The following PNO1 variants were observed in gnomAD, a reference collection of about 807,000 sequenced individuals.
PNO1 encodes RNA-binding protein PNO1.
Under a neutral mutation model 28.4 loss-of-function variants are expected in PNO1, and 16 were observed. The ratio of observed to expected loss-of-function variants is 0.56; its 90% CI spans 0.38 to 0.85. The LOEUF (loss-of-function observed/expected upper bound fraction) is 0.85. Ranked by LOEUF, PNO1 falls within the 40% of genes least tolerant of loss-of-function variation. The pLI is 0.00. For missense variants in PNO1, 304 were observed against 312.2 expected (o/e 0.97, Z 0.20); for synonymous variants, 115 against 110.8 (o/e 1.04, Z -0.24).
intron 5 of PNO1, among the ~76,000 whole-genome samples, chr2:68,167,242 G>A (rs1443649168): frequency 6.6e-6 from 1 of 152,166 alleles, no homozygotes; most frequent in Non-Finnish European, 1.5e-5. Flanking sequence ...GGCTGAATTA[G>A]AGAGTGGGTG....
intron 5 of PNO1, 86 bp from the exon 6 acceptor site, chr2:68,173,261 C>T: frequency 1.2e-6 from 1 of 807,796 alleles, no homozygotes; most frequent in South Asian, 1.4e-5. Flanking sequence ...AAATGATCTA[C>T]CTGCCTTGGC....
chr2:68,166,155 T>C (rs1673991642), intron 5 of PNO1, among the ~76,000 whole-genome samples: 1 of 152,244 alleles, frequency 6.6e-6, no homozygotes, highest in Admixed American at 6.5e-5. Context: ...TAGTTCCTTT[T>C]TATTGGCAAG....
intron 2 of PNO1, among the ~76,000 whole-genome samples, chr2:68,159,943 A>G: frequency 6.6e-6 from 1 of 150,410 alleles, no homozygotes; most frequent in South Asian, 2.1e-4. Flanking sequence ...ACATCCTGGC[A>G]TCTTCAAAAA....
At chr2:68,160,945 T>G (rs1328878669) in intron 2 of PNO1, among the ~76,000 whole-genome samples, 1 of 152,264 alleles carries the variant, frequency 6.6e-6, no homozygotes, top group African/African-American at 2.4e-5. Flanking sequence ...CATGGGACAG[T>G]GGAAATAACA....
chr2:68,174,568 G>A (rs562589230), intron 6 of PNO1, among the ~76,000 whole-genome samples, 167 bp from the exon 7 acceptor site: 3 of 152,260 alleles, frequency 2.0e-5, no homozygotes, highest in East Asian at 3.9e-4. Flanking sequence ...TATATGGGAG[G>A]ATGTGGGTAG....
intron 5 of PNO1, chr2:68,173,083 CTTTTT>C (rs200879340): frequency 0.014 from 1,599 of 111,886 alleles, 5 homozygotes; most frequent in East Asian, 0.05. Context: ...TCTACAATGT[CTTTTT>C]TTTTTTTTTT....
chr2:68,160,029 C>T (rs1673789787), intron 2 of PNO1, among the ~76,000 whole-genome samples: 1 of 138,648 alleles, frequency 7.2e-6, no homozygotes, highest in Admixed American at 7.8e-5. Context: ...AGTGCAGTGT[C>T]GCAATCTCGG....
At chr2:68,170,583 TA>T (rs1401151385) in intron 5 of PNO1, among the ~76,000 whole-genome samples, 1 of 151,850 alleles carries the variant, frequency 6.6e-6, no homozygotes, top group Non-Finnish European at 1.5e-5. Context: ...CCGTCTCTAC[TA>T]AAAATACAAA....
intron 2 of PNO1, among the ~76,000 whole-genome samples, chr2:68,160,420 T>C (rs1171392034): frequency 6.6e-6 from 1 of 152,260 alleles, no homozygotes; most frequent in African/African-American, 2.4e-5. Context: ...CCTTTCTCTT[T>C]ATACTTCAGT....
intron 4 of PNO1, 100 bp downstream of exon 4, chr2:68,162,425 T>C: frequency 1.0e-6 from 1 of 964,070 alleles, no homozygotes; most frequent in Non-Finnish European, 1.6e-6. Context: ...TTTTAGCAAC[T>C]TATATATATA....
At chr2:68,165,389 A>ACAAC (rs1180138841) in intron 5 of PNO1, among the ~76,000 whole-genome samples, 1 of 133,252 alleles carries the variant, frequency 7.5e-6, no homozygotes, top group Non-Finnish European at 1.6e-5. Context: ...ACAACAAAAA[A>ACAAC]AAAAAAACTA....
At chr2:68,162,721 A>C in intron 5 of PNO1, 58 bp downstream of exon 5, 1 of 1,121,690 alleles carries the variant, frequency 8.9e-7, no homozygotes, top group Non-Finnish European at 1.4e-6. Context: ...CTTTTGTTTT[A>C]AGAAAGTCAT....
At chr2:68,158,229 T>TG in intron 1 of PNO1, 88 bp downstream of exon 1, 2 of 1,426,812 alleles carry the variant, frequency 1.4e-6, no homozygotes, top group East Asian at 2.3e-5. Context: ...GAAGCTGCGG[T>TG]GGGGCTGTTC....
rs747497757 is a variant in PNO1, at chr2:68,173,431, C to A, written c.691+14C>A. The A allele has an allele frequency of 4.4e-5, 67 of 1,530,306 alleles. No individual in the cohort carries two copies. The highest frequency in any genetic ancestry group is 6.0e-5 in the Non-Finnish European group (66 of 1,104,094). The allele number at this position is 1,530,306 out of a possible 1,614,324, so 94.8% of individuals were successfully genotyped here. A position where few individuals can be genotyped will look rare whatever the true frequency, so the allele number is the denominator to read the frequency against. On this transcript the variant is annotated intron_variant, in intron 6 of 6. Transcript: ENST00000263657. Reference sequence around the variant, plus strand: ...ACCTAATCTTGGGTAATAGCAGTTTCTTTCTTTGGTGTTTTCTCTGGGAGG... The same window carrying A: ...ACCTAATCTTGGGTAATAGCAGTTTATTTCTTTGGTGTTTTCTCTGGGAGG...
intron 6 of PNO1, 27 bp downstream of exon 6, chr2:68,173,444 T>C (rs1324671425): frequency 7.1e-7 from 1 of 1,400,848 alleles, no homozygotes; most frequent in Middle Eastern, 1.8e-4. Flanking sequence ...TCTTTGGTGT[T>C]TTCTCTGGGA....
At chr2:68,166,916 A>C (rs1200839562) in intron 5 of PNO1, among the ~76,000 whole-genome samples, 1 of 152,164 alleles carries the variant, frequency 6.6e-6, no homozygotes, top group Non-Finnish European at 1.5e-5. Context: ...TCCGTGATCC[A>C]TATCTTGAAA....
In PNO1 at chr2:68,164,746, A is replaced by G. The variant is rs139780512; in HGVS notation, c.620+2083A>G. Reference sequence around the variant, plus strand: ...AAGGATGTCAAGACCACAGTGAACCATGATGGCACCACTGCACTCTAGCCT... The same window carrying G: ...AAGGATGTCAAGACCACAGTGAACCGTGATGGCACCACTGCACTCTAGCCT... On this transcript the variant is annotated intron_variant, in intron 5 of 6. Transcript: ENST00000263657. Among the ~76,000 whole-genome samples the G allele has an allele frequency of 1.8e-4, 28 of 152,274 alleles. No homozygotes were observed. The East Asian group carries it at 5.0e-3, about 27-fold the overall frequency.
At chr2:68,159,191 T>C (rs1305655721) in intron 2 of PNO1, among the ~76,000 whole-genome samples, 1 of 152,112 alleles carries the variant, frequency 6.6e-6, no homozygotes, top group East Asian at 1.9e-4. Flanking sequence ...AGTGCATGAC[T>C]GTGTTTTAAT....
In PNO1 at chr2:68,162,507, G is replaced by C. The variant is rs777172949; in HGVS notation, c.503-39G>C. ...TTTATGTGGAATGGGTGGTACACTAGAATGGCTTGCCTCCTGAGATCTTGC... is the reference window on the plus strand; with the variant it reads ...TTTATGTGGAATGGGTGGTACACTACAATGGCTTGCCTCCTGAGATCTTGC... On this transcript the variant is annotated intron_variant, in intron 4 of 6. Transcript: ENST00000263657. The C allele has an allele frequency of 2.1e-5, 30 of 1,404,612 alleles. No individual in the cohort carries two copies. In the East Asian group the frequency reaches 6.6e-4, roughly 31 times the overall value. 87.0% of individuals were successfully genotyped at this position (1,404,612 alleles called of 1,614,324 possible). A position where few individuals can be genotyped will look rare whatever the true frequency, so the allele number is the denominator to read the frequency against.
Sources: allele counts gnomAD v4.1 joint callset (sites outside exome capture counted in the v4.1 genomes callset), GRCh38; gene constraint gnomAD v4.1.1; transcripts MANE v1.5; gene names NCBI Gene and HGNC (gene_info 2026-07-23, HGNC 2026-07-21).